The following RAB38 variants were observed in gnomAD, a reference collection of about 807,000 sequenced individuals.
RAB38 encodes RAB38, member RAS oncogene family, also known as ras-related protein Rab-38.
RAB38 carries 15 observed loss-of-function variants against 18.4 expected under a neutral mutation model. The ratio of observed to expected loss-of-function variants is 0.82; its 90% CI spans 0.55 to 1.26. The LOEUF (loss-of-function observed/expected upper bound fraction) is 1.26. RAB38 is among the 50% of genes most tolerant of loss of function. RAB38 has a pLI of 0.00. For synonymous variants in RAB38, 101 were observed against 104.4 expected (o/e 0.97, Z 0.20); for missense variants, 294 against 267.4 (o/e 1.10, Z -0.69).
At chr11:88,037,002 C>G in the RAB38 span, among the ~76,000 whole-genome samples, 1 of 151,902 alleles carries the variant, frequency 6.6e-6, no homozygotes, top group Non-Finnish European at 1.5e-5. Context: ...ACATTTATTT[C>G]AAACTTTTTC....
chr11:87,944,413 C>G, the RAB38 span, among the ~76,000 whole-genome samples: 1 of 152,136 alleles, frequency 6.6e-6, no homozygotes, highest in Non-Finnish European at 1.5e-5. Context: ...GGCACTTGGT[C>G]TGTGGTCATT....
chr11:88,144,851 A>G (rs1942961653), intron 2 of RAB38, among the ~76,000 whole-genome samples: 1 of 151,968 alleles, frequency 6.6e-6, no homozygotes, highest in African/African-American at 2.4e-5. Context: ...CCACTATTGC[A>G]TAGGTACAAC....
intron 2 of RAB38, among the ~76,000 whole-genome samples, chr11:88,145,028 A>G (rs1942964415): frequency 6.6e-6 from 1 of 152,182 alleles, no homozygotes; most frequent in Admixed American, 6.5e-5. Flanking sequence ...CATCACGGCT[A>G]GATCGGCGTA....
At chr11:87,819,718 GTGTATGTATATATATGTGTATA>G in the RAB38 span, among the ~76,000 whole-genome samples, 8 of 6,040 alleles carry the variant, frequency 1.3e-3, no homozygotes, top group Non-Finnish European at 4.8e-3. Context: ...ATATATATAC[GTGTATGTATATATATGTGTATA>G]TATATATATA....
chr11:87,878,248 TATC>T, the RAB38 span, among the ~76,000 whole-genome samples: 14,785 of 107,090 alleles, frequency 0.14, 1,999 homozygotes, highest in African/African-American at 0.25. Flanking sequence ...CACACACACC[TATC>T]ATCTATCTAT....
the RAB38 span, among the ~76,000 whole-genome samples, chr11:87,934,559 T>C: frequency 2.7e-4 from 41 of 152,238 alleles, no homozygotes; most frequent in Non-Finnish European, 5.1e-4. Context: ...GGCTATTGAT[T>C]TGAGGCAGTA....
chr11:88,142,459 T>G (rs755545506), intron 2 of RAB38, among the ~76,000 whole-genome samples: 1 of 152,238 alleles, frequency 6.6e-6, no homozygotes, highest in Non-Finnish European at 1.5e-5. Context: ...CACTGAAGCA[T>G]GGATCCTCTT....
the RAB38 span, among the ~76,000 whole-genome samples, chr11:88,086,117 A>G: frequency 1.3e-5 from 2 of 151,896 alleles, no homozygotes; most frequent in African/African-American, 4.8e-5. Context: ...GGCTATTGTG[A>G]AGATTAAGTG....
At chr11:87,971,033 A>C in the RAB38 span, among the ~76,000 whole-genome samples, 2 of 152,014 alleles carry the variant, frequency 1.3e-5, no homozygotes, top group African/African-American at 2.4e-5. Flanking sequence ...ATGGGTACTA[A>C]AAAGGCTCAT....
Position 88,114,208 on chromosome 11 carries a change from A to G in RAB38, c.484-68T>C, listed in dbSNP as rs968755119. 5.3e-6 allele frequency: 8 copies of G among 1,504,864 alleles called. No individual in the cohort carries two copies. The East Asian group carries it at 1.4e-4, about 26-fold the overall frequency. The allele number at this position is 1,504,864 out of a possible 1,614,324, so 93.2% of individuals were successfully genotyped here. A position where few individuals can be genotyped will look rare whatever the true frequency, so the allele number is the denominator to read the frequency against. On this transcript the variant is annotated intron_variant, in intron 2 of 2. Coordinates refer to ENST00000243662, the MANE Select transcript of RAB38 (RefSeq NM_022337.3). ...TGAAATAATGCTAGAGCAGAGACTT[A>G]TATGTGACAATTCATTTAAATATTC...
At chr11:87,973,951 A>G in the RAB38 span, among the ~76,000 whole-genome samples, 1 of 151,988 alleles carries the variant, frequency 6.6e-6, no homozygotes, top group African/African-American at 2.4e-5. Context: ...CAAACAAAGA[A>G]TAAACCCAAG....
chr11:87,913,327 T>A, the RAB38 span, among the ~76,000 whole-genome samples: 2 of 152,118 alleles, frequency 1.3e-5, no homozygotes, highest in Non-Finnish European at 2.9e-5. Context: ...AATTGTGAAT[T>A]TGCTTATTAC....
chr11:87,838,482 C>T, the RAB38 span, among the ~76,000 whole-genome samples: 2 of 152,292 alleles, frequency 1.3e-5, no homozygotes, highest in South Asian at 4.1e-4. Context: ...AGAAATCATT[C>T]TTAACTAATG....
Position 88,149,724 on chromosome 11 carries a change from T to C in RAB38, c.434A>G (p.Gln145Arg), listed in dbSNP as rs1369715659. 1.2e-6 allele frequency: 2 copies of C among 1,614,092 alleles called. No individual in the cohort carries two copies. Among genetic ancestry groups the C allele is most frequent in the Non-Finnish European group, 1.7e-6 (2 of 1,180,030 alleles). ...VLMNNGLKMD[Q>R]FCKEHGFVGW... ...TACGAAACCGTGCTCCTTGCAGAAC[T>C]GGTCCATCTTGAGGCCATTGTTCAT... Residue 145 changes from glutamine (Q) to arginine (R), a missense_variant, in exon 2 of 3, where the codon CAG (glutamine) becomes CGG (arginine). Transcript: ENST00000243662.
At chr11:87,932,682 G>C in the RAB38 span, among the ~76,000 whole-genome samples, 1 of 152,056 alleles carries the variant, frequency 6.6e-6, no homozygotes, top group East Asian at 1.9e-4. Context: ...TAAGCATTTA[G>C]ATCCCATCTA....
the RAB38 span, among the ~76,000 whole-genome samples, chr11:88,055,028 T>C: frequency 6.6e-6 from 1 of 152,220 alleles, no homozygotes; most frequent in Non-Finnish European, 1.5e-5. Context: ...ATTAGTTTCC[T>C]CATCTGTAAG....
chr11:87,923,634 T>C, the RAB38 span, among the ~76,000 whole-genome samples: 5 of 151,708 alleles, frequency 3.3e-5, no homozygotes, highest in Non-Finnish European at 7.4e-5. Flanking sequence ...TTTTAAAAGA[T>C]GGTGATATTA....
chr11:87,954,245 C>T, the RAB38 span, among the ~76,000 whole-genome samples: 2 of 152,112 alleles, frequency 1.3e-5, no homozygotes, highest in African/African-American at 4.8e-5. Context: ...ATGCATCCAC[C>T]CTGCTGAACT....
At chr11:88,029,926 A>C in the RAB38 span, among the ~76,000 whole-genome samples, 1 of 152,054 alleles carries the variant, frequency 6.6e-6, no homozygotes, top group Non-Finnish European at 1.5e-5. Context: ...CAGAATATAC[A>C]TTTTTTTCAG....
Sources: allele counts gnomAD v4.1 joint callset (sites outside exome capture counted in the v4.1 genomes callset), GRCh38; gene constraint gnomAD v4.1.1; transcripts MANE v1.5; gene names NCBI Gene and HGNC (gene_info 2026-07-23, HGNC 2026-07-21).